The following NRG4 variants were observed in gnomAD, a reference collection of about 807,000 sequenced individuals.
NRG4 encodes the protein pro-neuregulin-4, membrane-bound isoform.
A neutral mutation model predicts 15.0 loss-of-function variants in NRG4; 10 were observed. The observed-to-expected ratio is 0.67, with a 90% CI of 0.41 to 1.13. The LOEUF is 1.13. Among genes scored for constraint, NRG4 ranks in the 50% most tolerant of loss-of-function variants. The pLI, the probability that NRG4 is intolerant of heterozygous loss-of-function variation, is 0.00. For synonymous variants in NRG4, 41 were observed against 50.1 expected (o/e 0.82, Z 0.77); for missense variants, 139 against 140.2 (o/e 0.99, Z 0.04).
intron 5 of NRG4, among the ~76,000 whole-genome samples, chr15:75,953,063 CT>C (rs1304395674): frequency 6.6e-6 from 1 of 151,976 alleles, no homozygotes; most frequent in Admixed American, 6.6e-5. Context: ...GTTGCTTGTA[CT>C]TTTAGAATCA....
chr15:76,058,423 T>C (rs1351568078), intron 1 of NRG4, among the ~76,000 whole-genome samples: 2 of 152,030 alleles, frequency 1.3e-5, no homozygotes, highest in African/African-American at 2.4e-5. Flanking sequence ...TTTACATTTT[T>C]TTCTCAGTTT....
intron 4 of NRG4, among the ~76,000 whole-genome samples, chr15:75,960,729 T>C (rs557790285): frequency 2.1e-4 from 32 of 152,240 alleles, no homozygotes; most frequent in African/African-American, 7.2e-4. Context: ...TACCTCTTGA[T>C]GGATGAGTGG....
At chr15:76,020,874 T>C (rs1286126872) in intron 5 of NRG4, among the ~76,000 whole-genome samples, 2 of 152,174 alleles carry the variant, frequency 1.3e-5, no homozygotes, top group Non-Finnish European at 2.9e-5. Context: ...AACATAAAAG[T>C]GCAAGGTAAA....
intron 3 of NRG4, among the ~76,000 whole-genome samples, chr15:75,962,461 T>C (rs2032571452): frequency 6.7e-6 from 1 of 149,700 alleles, no homozygotes; most frequent in African/African-American, 2.5e-5. Flanking sequence ...AGCATTTATT[T>C]CTATTCTTCT....
chr15:76,017,150 C>T (rs79890237), upstream of NRG4, among the ~76,000 whole-genome samples: 1 of 127,314 alleles, frequency 7.9e-6, no homozygotes, highest in African/African-American at 3.1e-5. Flanking sequence ...GATTGCAACC[C>T]CTGCCTTTTT....
At chr15:76,005,012 T>G (rs2034546897) in intron 3 of NRG4, among the ~76,000 whole-genome samples, 1 of 152,130 alleles carries the variant, frequency 6.6e-6, no homozygotes, top group Admixed American at 6.6e-5. Flanking sequence ...AACACATATT[T>G]TATATGTTTT....
At chr15:75,949,601 A>C (rs1158839090) in intron 5 of NRG4, among the ~76,000 whole-genome samples, 1 of 152,274 alleles carries the variant, frequency 6.6e-6, no homozygotes, top group East Asian at 1.9e-4. Flanking sequence ...CATGAAGCCC[A>C]ATTTATGAAA....
chr15:76,034,503 T>G (rs560997355), intron 5 of NRG4, among the ~76,000 whole-genome samples: 1 of 152,272 alleles, frequency 6.6e-6, no homozygotes, highest in East Asian at 1.9e-4. Flanking sequence ...GCTCCAAAGC[T>G]TTTGCAGCCC....
At chr15:76,058,558 T>C (rs2036212052) in intron 1 of NRG4, among the ~76,000 whole-genome samples, 1 of 152,076 alleles carries the variant, frequency 6.6e-6, no homozygotes, top group African/African-American at 2.4e-5. Flanking sequence ...ATTTTATCCA[T>C]ACTAAAAAAG....
At chr15:75,976,615 G>A (rs1365529642) in intron 3 of NRG4, among the ~76,000 whole-genome samples, 2 of 152,168 alleles carry the variant, frequency 1.3e-5, no homozygotes, top group South Asian at 4.1e-4. Flanking sequence ...GAGTTTGCTG[G>A]AGGTCCACTC....
rs1259917200 is a variant in NRG4, at chr15:76,006,880, T to C, written c.104+2320A>G. 2.0e-5 allele frequency among the ~76,000 whole-genome samples: 3 copies of C among 152,216 alleles called. No homozygotes were observed. The East Asian group carries it at 5.8e-4, about 29-fold the overall frequency. On this transcript the variant is annotated intron_variant, in intron 3 of 5. Coordinates refer to ENST00000394907, the MANE Select transcript of NRG4 (RefSeq NM_138573.4). ...CCAAATTCCAGCATTCTTAGTTCTT[T>C]CTTTCAACTTATTCAGTGAGGTATA...
At chr15:76,028,595 T>C (rs1401972138) in intron 5 of NRG4, among the ~76,000 whole-genome samples, 2 of 140,998 alleles carry the variant, frequency 1.4e-5, no homozygotes, top group African/African-American at 2.6e-5. Context: ...TCAAACTGTT[T>C]AAAAAAAAAA....
At position 75,948,542 on chromosome 15, in the gene NRG4, G is replaced by A. The variant is rs530713259; in HGVS notation, c.332-4888C>T. On this transcript the variant is annotated intron_variant, in intron 5 of 5. Transcript: ENST00000394907. Reference sequence around the variant, plus strand: ...TCTCGAACTCCTGACCTCGTGATCCGCCCACCTGGGCCTCCCAAAGTGCTG... The same window carrying A: ...TCTCGAACTCCTGACCTCGTGATCCACCCACCTGGGCCTCCCAAAGTGCTG... Among the ~76,000 whole-genome samples, 332 of 151,880 alleles carry A rather than the reference G, an allele frequency of 2.2e-3. 1 individual carries two copies. Among genetic ancestry groups the A allele is most frequent in the Non-Finnish European group, 3.8e-3 (255 of 67,944 alleles).
At chr15:75,995,514 C>A (rs188471835) in intron 3 of NRG4, among the ~76,000 whole-genome samples, 1 of 152,122 alleles carries the variant, frequency 6.6e-6, no homozygotes, top group Non-Finnish European at 1.5e-5. Context: ...CCCACTAGGC[C>A]CCCCCGCCCC....
chr15:75,994,553 T>C (rs2034140643), intron 3 of NRG4, among the ~76,000 whole-genome samples: 1 of 152,274 alleles, frequency 6.6e-6, no homozygotes, highest in African/African-American at 2.4e-5. Context: ...TTTATACTTG[T>C]GCAGAGTTTA....
intron 3 of NRG4, among the ~76,000 whole-genome samples, chr15:75,967,112 CAAAAAAAAAAAAAA>C (rs1300663699): frequency 2.0e-5 from 1 of 51,160 alleles, no homozygotes; most frequent in Non-Finnish European, 3.9e-5. Flanking sequence ...GACTCCGTCT[CAAAAAAAAAAAAAA>C]AAAAAAAAGT....
chr15:76,011,781 T>G (rs1202649900), intron 1 of NRG4, among the ~76,000 whole-genome samples: 1 of 152,074 alleles, frequency 6.6e-6, no homozygotes, highest in Non-Finnish European at 1.5e-5. Context: ...CAAACCACCA[T>G]GGCACACATG....
At chr15:75,967,107 C>T (rs1045854229) in intron 3 of NRG4, among the ~76,000 whole-genome samples, 11 of 132,722 alleles carry the variant, frequency 8.3e-5, no homozygotes, top group African/African-American at 2.5e-4. Flanking sequence ...AGCAAGACTC[C>T]GTCTCAAAAA....
chr15:75,960,410 T>A (rs1237049992), intron 4 of NRG4, among the ~76,000 whole-genome samples: 1 of 152,226 alleles, frequency 6.6e-6, no homozygotes, highest in Non-Finnish European at 1.5e-5. Context: ...AAAAAAACTT[T>A]ATCTCATGAT....
Sources: allele counts gnomAD v4.1 joint callset (sites outside exome capture counted in the v4.1 genomes callset), GRCh38; gene constraint gnomAD v4.1.1; transcripts MANE v1.5; gene names NCBI Gene and HGNC (gene_info 2026-07-23, HGNC 2026-07-21).